The following GPC5 variants were observed in gnomAD, a reference collection of about 807,000 sequenced individuals.
GPC5 encodes glypican 5, also known as glypican-5.
A neutral mutation model predicts 53.9 loss-of-function variants in GPC5; 47 were observed. That is an observed-to-expected ratio of 0.87 (90% CI 0.69 to 1.11). GPC5 has a LOEUF of 1.11. GPC5 is among the 50% of genes most tolerant of loss of function. The probability of loss-of-function intolerance (pLI) is 0.00; values close to 1 mark genes in which losing one functional copy is unlikely to be tolerated. For missense variants in GPC5, 748 were observed against 713.1 expected, an observed-to-expected ratio of 1.05 and a Z score of -0.56; for synonymous variants, 286 against 263.3, an observed-to-expected ratio of 1.09 and a Z score of -0.84.
At position 92,044,619 on chromosome 13, in the gene GPC5, T is replaced by C. The variant is rs117964934; in HGVS notation, c.1402-100211T>C. On this transcript the variant is annotated intron_variant, in intron 6 of 7. Coordinates refer to ENST00000377067, the MANE Select transcript of GPC5 (RefSeq NM_004466.6). The stretch of plus-strand genomic sequence containing the variant: ...CGGGCAGCAAGTGTTCTAGGAATTG[T>C]AGTTTTTTCTGTCTGGCTCTGGCAT... 5.1e-3 allele frequency among the ~76,000 whole-genome samples: 774 copies of C among 152,334 alleles called. 5 individuals are homozygous for C. The highest frequency in any genetic ancestry group is 0.014 in the Middle Eastern group (4 of 294).
chr13:91,769,676 G>A (rs1313253917), intron 5 of GPC5, among the ~76,000 whole-genome samples: 1 of 152,168 alleles, frequency 6.6e-6, no homozygotes, highest in Non-Finnish European at 1.5e-5. Flanking sequence ...CTGTAGCTTG[G>A]GCAAGTGTCA....
chr13:91,478,752 T>C (rs1451240022), intron 2 of GPC5, among the ~76,000 whole-genome samples: 1 of 145,778 alleles, frequency 6.9e-6, no homozygotes, highest in Admixed American at 6.9e-5. Context: ...GTTTGCTCAC[T>C]AGCAATGTGG....
chr13:91,959,244 T>C (rs2040104461), intron 6 of GPC5, among the ~76,000 whole-genome samples: 1 of 151,760 alleles, frequency 6.6e-6, no homozygotes, highest in Non-Finnish European at 1.5e-5. Context: ...ACCACAGAAA[T>C]ACAAAGATCA....
chr13:91,549,729 G>T (rs1320512513), intron 2 of GPC5, among the ~76,000 whole-genome samples: 1 of 152,108 alleles, frequency 6.6e-6, no homozygotes, highest in Non-Finnish European at 1.5e-5. Flanking sequence ...AGACATATTA[G>T]AATAAACAGA....
At chr13:91,794,985 C>T (rs528453127) in intron 5 of GPC5, among the ~76,000 whole-genome samples, 108 of 152,004 alleles carry the variant, frequency 7.1e-4, no homozygotes, top group African/African-American at 2.4e-3. Context: ...AAGGAAGAAA[C>T]GAAGGGAGGG....
At chr13:92,815,151 A>G (rs1269413467) in intron 7 of GPC5, among the ~76,000 whole-genome samples, 1 of 152,008 alleles carries the variant, frequency 6.6e-6, no homozygotes, top group Non-Finnish European at 1.5e-5. Flanking sequence ...TTGACAATAA[A>G]GAAAGAAAAA....
intron 3 of GPC5, among the ~76,000 whole-genome samples, chr13:91,704,276 A>G (rs138497190): frequency 6.6e-6 from 1 of 152,188 alleles, no homozygotes; most frequent in Non-Finnish European, 1.5e-5. Context: ...CAGTTTTGAC[A>G]TAAAGTCTAT....
chr13:91,564,240 A>G (rs1027358202), intron 2 of GPC5, among the ~76,000 whole-genome samples: 3 of 152,110 alleles, frequency 2.0e-5, no homozygotes, highest in African/African-American at 4.8e-5. Flanking sequence ...TTTTCTCTTT[A>G]AGTGACAATA....
At chr13:92,337,798 C>A (rs887429771) in intron 7 of GPC5, among the ~76,000 whole-genome samples, 1 of 152,084 alleles carries the variant, frequency 6.6e-6, no homozygotes, top group Non-Finnish European at 1.5e-5. Context: ...ACACCCTTCA[C>A]AAAAATTTGC....
chr13:91,410,613 T>C (rs1305803881), intron 1 of GPC5, among the ~76,000 whole-genome samples: 5 of 151,972 alleles, frequency 3.3e-5, no homozygotes, highest in Non-Finnish European at 1.5e-5. Flanking sequence ...CCCAAAGAGC[T>C]GGGATTACAG....
At chr13:92,135,365 T>C (rs2041775617) in intron 6 of GPC5, among the ~76,000 whole-genome samples, 1 of 152,224 alleles carries the variant, frequency 6.6e-6, no homozygotes, top group Non-Finnish European at 1.5e-5. Flanking sequence ...CTTGAGGTTA[T>C]GTTTTCTCCC....
At chr13:91,430,304 A>G (rs1218207486) in intron 1 of GPC5, among the ~76,000 whole-genome samples, 1 of 152,222 alleles carries the variant, frequency 6.6e-6, no homozygotes, top group Non-Finnish European at 1.5e-5. Flanking sequence ...TGGGTCCAGG[A>G]TTAGCCACAC....
At chr13:92,419,006 A>G (rs1352461854) in intron 7 of GPC5, among the ~76,000 whole-genome samples, 1 of 152,338 alleles carries the variant, frequency 6.6e-6, no homozygotes, top group East Asian at 1.9e-4. Flanking sequence ...GAGGTAATCA[A>G]CTTCTTCTCA....
At chr13:92,509,169 CT>C (rs1372718460) in intron 7 of GPC5, among the ~76,000 whole-genome samples, 1 of 152,166 alleles carries the variant, frequency 6.6e-6, no homozygotes, top group African/African-American at 2.4e-5. Context: ...TGATTTACCC[CT>C]GCCTCAAACA....
intron 7 of GPC5, among the ~76,000 whole-genome samples, chr13:92,619,430 T>G (rs2139112174): frequency 6.6e-6 from 1 of 152,102 alleles, no homozygotes. Context: ...TCGCCAATTA[T>G]TCTTAGGTTA....
intron 1 of GPC5, among the ~76,000 whole-genome samples, chr13:91,433,671 G>A (rs1353772828): frequency 6.6e-6 from 1 of 151,770 alleles, no homozygotes; most frequent in African/African-American, 2.4e-5. Context: ...ACGTGTGCAT[G>A]TGTCTTTATA....
chr13:92,215,694 C>T (rs1220392606), intron 7 of GPC5, among the ~76,000 whole-genome samples: 1 of 152,192 alleles, frequency 6.6e-6, no homozygotes, highest in Non-Finnish European at 1.5e-5. Flanking sequence ...GACCACAGCC[C>T]TTCATGGTTT....
At chr13:92,074,822 G>A (rs2041239882) in intron 6 of GPC5, among the ~76,000 whole-genome samples, 1 of 152,278 alleles carries the variant, frequency 6.6e-6, no homozygotes, top group East Asian at 1.9e-4. Flanking sequence ...TTCGCACATC[G>A]CTACCTGACT....
intron 7 of GPC5, among the ~76,000 whole-genome samples, chr13:92,762,142 C>T (rs1875204947): frequency 6.6e-6 from 1 of 151,800 alleles, no homozygotes; most frequent in Admixed American, 6.6e-5. Flanking sequence ...TACTCTAATA[C>T]TGTTATGATG....
Sources: gnomAD v4.1 joint callset for allele counts (sites outside exome capture counted in the v4.1 genomes callset) on GRCh38, gnomAD v4.1.1 for gene constraint, MANE v1.5 for transcripts, NCBI Gene and HGNC (gene_info 2026-07-23, HGNC 2026-07-21) for gene names.